Variants in PMS2 observed in about 807,000 individuals in gnomAD.
The protein encoded by PMS2 is mismatch repair endonuclease PMS2.
In PMS2, 69 loss-of-function variants were observed where a neutral mutation model predicts 90.0. The ratio of observed to expected loss-of-function variants is 0.77; its 90% CI spans 0.63 to 0.94. The LOEUF is 0.94. Ranked by LOEUF, PMS2 falls within the 40% of genes least tolerant of loss-of-function variation. The pLI, the probability that PMS2 is intolerant of heterozygous loss-of-function variation, is 0.00. For missense variants in PMS2, 966 were observed against 1,040.2 expected (o/e 0.93, Z 0.98); for synonymous variants, 332 against 375.1 (o/e 0.89, Z 1.33).
intron 5 of PMS2, among the ~76,000 whole-genome samples, chr7:6,001,596 C>T (rs1225962179): frequency 1.3e-5 from 2 of 152,088 alleles, no homozygotes; most frequent in African/African-American, 4.8e-5. Context: ...GCTTTGATCT[C>T]TTGACCTCGT....
Position 6,008,958 on chromosome 7 carries a change from C to T in PMS2, c.23+39G>A, listed in dbSNP as rs765124908. ...AATGCCGTGGGTCTCAAAGAGGGCG[C>T]GCGAGAGGGGACACCGGAAGACTGC... On this transcript the variant is annotated intron_variant, in intron 1 of 14. Transcript: ENST00000265849. 6 of 1,611,728 alleles carry T rather than the reference C, an allele frequency of 3.7e-6. No homozygotes were observed. The East Asian group carries it at 1.3e-4, about 36-fold the overall frequency.
At chr7:6,008,830 GGGCACGAGATCGCTGCAACACT>G (rs1183090972) in intron 1 of PMS2, among the ~76,000 whole-genome samples, 145 bp downstream of exon 1, 1 of 152,138 alleles carries the variant, frequency 6.6e-6, no homozygotes, top group Non-Finnish European at 1.5e-5. Flanking sequence ...CGCACCCAAG[GGGCACGAGATCGCTGCAACACT>G]GAGGTCGCCA....
At chr7:5,987,833 T>C (rs1470791645) in intron 10 of PMS2, among the ~76,000 whole-genome samples, 1 of 151,812 alleles carries the variant, frequency 6.6e-6, no homozygotes, top group African/African-American at 2.4e-5. Flanking sequence ...GGCAGGGGGA[T>C]CACATGAGGC....
chr7:5,987,020 T>G lies in PMS2; in HGVS notation c.1745A>C (p.Glu582Ala). Residue 582 changes from glutamate to alanine, a missense_variant, in exon 11 of 15, where the codon GAA (glutamate) becomes GCA (alanine). This residue lies in a region of PMS2 where 871 missense variants were observed against 802.4 expected (regional missense o/e 1.09). Transcript: ENST00000265849. Reference sequence around the variant, plus strand: ...AATGTCAGAACTGGAAAGAATTTCTTCTTTTTTAAAACGCTTTGTGTTTGG... The same window carrying G: ...AATGTCAGAACTGGAAAGAATTTCTGCTTTTTTAAAACGCTTTGTGTTTGG... ...ATPNTKRFKK[E>A]EILSSSDICQ... The G allele has an allele frequency of 6.2e-7, 1 of 1,614,242 alleles. No individual in the cohort carries two copies. The highest frequency in any genetic ancestry group is 8.5e-7 in the Non-Finnish European group (1 of 1,180,052).
rs587781934 is a variant in PMS2, at chr7:5,999,181, C to G, written c.632G>C (p.Arg211Pro). 6.2e-7 allele frequency: 1 copy of G among 1,614,028 alleles called. No individual in the cohort carries two copies. The highest frequency in any genetic ancestry group is 8.5e-7 in the Non-Finnish European group (1 of 1,180,000). The change falls in exon 6 of 15, where the codon CGA (arginine) becomes CCA (proline). Residue 211 changes from arginine (R) to proline (P), a missense_variant. Coordinates refer to ENST00000265849, the MANE Select transcript of PMS2 (RefSeq NM_000535.7). Reference protein sequence around the residue: ...SCTNQLGQGKRQPVVCTGGSP... With the variant: ...SCTNQLGQGKPQPVVCTGGSP... ...TCCACCTGTGCATACCACAGGCTGT[C>G]GTTTTCCTTGTCCAAGCTGATTGGT...
At chr7:5,985,537 T>C (rs1782762941) in intron 11 of PMS2, among the ~76,000 whole-genome samples, 1 of 130,578 alleles carries the variant, frequency 7.7e-6, no homozygotes, top group South Asian at 2.6e-4. Flanking sequence ...AAAGGAACTC[T>C]TTTTTTCTTT....
chr7:6,008,488 G>T lies in PMS2; in HGVS notation c.23+509C>A, dbSNP rs796762738. Among the ~76,000 whole-genome samples, 122 of 152,270 alleles carry T rather than the reference G, an allele frequency of 8.0e-4. 1 individual carries two copies. The highest frequency in any genetic ancestry group is 2.9e-3 in the African/African-American group (120 of 41,564). ...AAAAAGGCCAGGCACGGTGCATCAT[G>T]CCTTTAATTCCAGCACTTTGAGGGG... On this transcript the variant is annotated intron_variant, in intron 1 of 14. Transcript: ENST00000265849.
chr7:6,008,975 G>T lies in PMS2; in HGVS notation c.23+22C>A, dbSNP rs1281963213. Reference sequence around the variant, plus strand: ...AGAGGGCGCGCGAGAGGGGACACCGGAAGACTGCGAGCCCCGCTCACCTCG... The same window carrying T: ...AGAGGGCGCGCGAGAGGGGACACCGTAAGACTGCGAGCCCCGCTCACCTCG... On this transcript the variant is annotated intron_variant, in intron 1 of 14. Coordinates refer to ENST00000265849, the MANE Select transcript of PMS2 (RefSeq NM_000535.7). 2 of 1,612,514 alleles carry T rather than the reference G, an allele frequency of 1.2e-6. No homozygotes were observed. The highest frequency in any genetic ancestry group is 1.1e-5 in the South Asian group (1 of 91,020).
At chr7:6,002,673 A>C in intron 4 of PMS2, 37 bp from the exon 5 acceptor site, 1 of 1,539,066 alleles carries the variant, frequency 6.5e-7, no homozygotes, top group Non-Finnish European at 9.0e-7. Flanking sequence ...GTTCAGTGAG[A>C]GACCCATGAT....
chr7:5,998,650 C>T (rs1171228118), intron 6 of PMS2, among the ~76,000 whole-genome samples: 45 of 149,018 alleles, frequency 3.0e-4, no homozygotes, highest in Admixed American at 2.9e-3. Flanking sequence ...GCCAAGATGG[C>T]GCCACTGCAC....
intron 8 of PMS2, 82 bp downstream of exon 8, chr7:5,995,452 A>G (rs1784280835): frequency 1.2e-6 from 1 of 846,636 alleles, no homozygotes; most frequent in African/African-American, 1.7e-5. Flanking sequence ...AGCTCCACGT[A>G]AACTGCCTAT....
chr7:6,002,675 A>C, intron 4 of PMS2, 39 bp from the exon 5 acceptor site: 2 of 1,523,780 alleles, frequency 1.3e-6, no homozygotes, highest in Non-Finnish European at 9.1e-7. Flanking sequence ...TCAGTGAGAG[A>C]CCCATGATGT....
chr7:5,988,275 T>C (rs1166929453), intron 10 of PMS2, among the ~76,000 whole-genome samples: 2 of 152,072 alleles, frequency 1.3e-5, no homozygotes, highest in African/African-American at 2.4e-5. Context: ...CCAGCATAGC[T>C]ACTCCTATCA....
chr7:5,999,177 C>T lies in PMS2; in HGVS notation c.636G>A (p.Gln212=), dbSNP rs1784804225. 1 of 1,614,072 alleles carries T rather than the reference C, an allele frequency of 6.2e-7. No homozygotes were observed. The highest frequency in any genetic ancestry group is 8.5e-7 in the Non-Finnish European group (1 of 1,179,980). Residue 212 remains glutamine (Q), a synonymous_variant, in exon 6 of 15, where the codon CAG becomes CAA. Coordinates refer to ENST00000265849, the MANE Select transcript of PMS2 (RefSeq NM_000535.7). ...CTNQLGQGKR[Q]PVVCTGGSPS... is the part of the protein sequence containing the mutation. ...GGCTTCCACCTGTGCATACCACAGGCTGTCGTTTTCCTTGTCCAAGCTGAT... is the reference window on the plus strand; with the variant it reads ...GGCTTCCACCTGTGCATACCACAGGTTGTCGTTTTCCTTGTCCAAGCTGAT...
chr7:5,995,476 T>C, intron 8 of PMS2, 58 bp downstream of exon 8: 1 of 1,057,842 alleles, frequency 9.5e-7, no homozygotes, highest in South Asian at 1.3e-5. Flanking sequence ...CAGAAAAAAG[T>C]TATCAATTAA....
At chr7:5,993,886 A>AAAAAAAAAAAAC in intron 8 of PMS2, among the ~76,000 whole-genome samples, 1 of 150,400 alleles carries the variant, frequency 6.6e-6, no homozygotes, top group African/African-American at 2.4e-5. Context: ...AAAAAAAAAA[A>AAAAAAAAAAAAC]AGGAAATATA....
chr7:5,993,653 G>A (rs573370850), intron 8 of PMS2, among the ~76,000 whole-genome samples: 1 of 151,384 alleles, frequency 6.6e-6, no homozygotes, highest in African/African-American at 2.4e-5. Flanking sequence ...ACGAGGTCAG[G>A]AGTTCGAGAC....
rs779971866 is a variant in PMS2 at position 5,977,694 on chromosome 7, G to A, written c.2339C>T (p.Pro780Leu). ...LPTSKNWTFG[P>L]QDVDELIFML... is the part of the protein sequence containing the mutation. ...GAAGATCAGTTCATCGACGTCCTGG[G>A]GTCCGAAGGTCCAGTTTTTACTAGT... is the stretch of plus-strand genomic sequence containing the variant. Residue 780 changes from proline to leucine, a missense_variant, in exon 14 of 15, where the codon CCC (proline) becomes CTC (leucine). Pro to Leu is a moderately conservative substitution (Grantham distance 98). Coordinates refer to ENST00000265849, the MANE Select transcript of PMS2 (RefSeq NM_000535.7). 3.1e-6 allele frequency: 5 copies of A among 1,606,266 alleles called. 1 individual carries two copies. Among genetic ancestry groups the A allele is most frequent in the South Asian group, 1.1e-5 (1 of 90,610 alleles).
chr7:5,992,166 C>T, intron 8 of PMS2, 109 bp from the exon 9 acceptor site: 1 of 648,100 alleles, frequency 1.5e-6, no homozygotes, highest in Non-Finnish European at 2.8e-6. Context: ...GAAGGGGATA[C>T]TTTTTTGTTT....
Sources: gnomAD v4.1 joint callset for allele counts (sites outside exome capture counted in the v4.1 genomes callset) on GRCh38, gnomAD v4.1.1 for gene constraint, gnomAD v4.1.1 regional missense constraint, MANE v1.5 for transcripts, NCBI Gene and HGNC (gene_info 2026-07-23, HGNC 2026-07-21) for gene names.